PVALB: variants seen among roughly 807,000 people sequenced by gnomAD.
The protein encoded by PVALB is parvalbumin.
A neutral mutation model predicts 10.9 loss-of-function variants in PVALB; 11 were observed. The ratio of observed to expected loss-of-function variants is 1.01; its 90% confidence interval spans 0.63 to 1.67. The LOEUF is 1.67. Ranked by LOEUF, PVALB falls within the 40% of genes most tolerant of loss-of-function variation. The probability of loss-of-function intolerance (pLI) is 0.00; values close to 1 mark genes in which losing one functional copy is unlikely to be tolerated. For synonymous variants in PVALB, 57 were observed against 50.7 expected, an observed-to-expected ratio of 1.12 and a Z score of -0.53; for missense variants, 131 against 136.2, an observed-to-expected ratio of 0.96 and a Z score of 0.19.
rs1449107789 is a variant in PVALB at position 36,815,141 on chromosome 22, G to A, written c.156C>T (p.Asp52=). Residue 52 remains aspartate, a synonymous_variant, in exon 2 of 4, where the codon GAC becomes GAT. Coordinates refer to ENST00000417718, the MANE Select transcript of PVALB (RefSeq NM_001315532.2). ...DDVKKVFHML[D]KDKSGFIEED... The stretch of plus-strand genomic sequence containing the variant: ...CCTCGATGAAGCCACTTTTGTCCTT[G>A]TCCAGCATGTGAAACACCTTCTTCA... The A allele has an allele frequency of 6.2e-7, 1 of 1,614,040 alleles. No homozygotes were observed. Among genetic ancestry groups the A allele is most frequent in the African/African-American group, 1.3e-5 (1 of 74,930 alleles).
At chr22:36,814,401 G>A (rs1939101146) in intron 2 of PVALB, among the ~76,000 whole-genome samples, 2 of 152,032 alleles carry the variant, frequency 1.3e-5, no homozygotes, top group Admixed American at 6.5e-5. Flanking sequence ...GAGACAGGAT[G>A]GGTGGGGAAG....
intron 3 of PVALB, among the ~76,000 whole-genome samples, chr22:36,808,153 C>T (rs79140067): frequency 6.6e-6 from 1 of 152,208 alleles, no homozygotes; most frequent in Non-Finnish European, 1.5e-5. Context: ...GAAGAGGGCC[C>T]TGAGGCTTCA....
upstream of PVALB, chr22:36,817,074 T>C: frequency 6.9e-7 from 1 of 1,458,096 alleles, no homozygotes; most frequent in East Asian, 2.5e-5. Flanking sequence ...TCATTTCTGC[T>C]CATATGACCA....
Position 36,813,808 on chromosome 22 carries a change from G to T in PVALB, c.195-53C>A, listed in dbSNP as rs569781912. On this transcript the variant is annotated intron_variant, in intron 2 of 3. Coordinates refer to ENST00000417718, the MANE Select transcript of PVALB (RefSeq NM_001315532.2). Reference sequence around the variant, plus strand: ...GAGGGAGTCAGGCCGAGGTCGCCTTGCAGGACGCTGGATGGAGGGTGGTCT... The same window carrying T: ...GAGGGAGTCAGGCCGAGGTCGCCTTTCAGGACGCTGGATGGAGGGTGGTCT... 18 of 1,357,568 alleles carry T rather than the reference G, an allele frequency of 1.3e-5. No individual in the cohort carries two copies. The African/African-American group carries it at 2.1e-4, about 16-fold the overall frequency. The allele number at this position is 1,357,568 out of a possible 1,614,324, so 84.1% of individuals were successfully genotyped here.
In PVALB at chr22:36,813,915, G is replaced by A. The variant is rs577958531; in HGVS notation, c.195-160C>T. Among the ~76,000 whole-genome samples, 57 of 152,340 alleles carry A rather than the reference G, an allele frequency of 3.7e-4. 1 individual carries two copies. In the South Asian group the frequency reaches 0.011, roughly 30 times the overall value. On this transcript the variant is annotated intron_variant, in intron 2 of 3. Transcript: ENST00000417718. ...ACGGATGCTCTGGGCCAGGTAGCCTGCTCGGTGGCTGTGCTTTCGTGGGTG... is the reference window on the plus strand; with the variant it reads ...ACGGATGCTCTGGGCCAGGTAGCCTACTCGGTGGCTGTGCTTTCGTGGGTG...
chr22:36,802,697 G>A (rs991752365), intron 3 of PVALB, among the ~76,000 whole-genome samples: 1 of 151,858 alleles, frequency 6.6e-6, no homozygotes, highest in Non-Finnish European at 1.5e-5. Flanking sequence ...CCTTCCTGAG[G>A]TTTGACTTAG....
chr22:36,805,901 A>G (rs1190405478), intron 3 of PVALB, among the ~76,000 whole-genome samples: 1 of 152,216 alleles, frequency 6.6e-6, no homozygotes, highest in African/African-American at 2.4e-5. Flanking sequence ...AAGAGCAGCC[A>G]GCTGACCTGG....
upstream of PVALB, chr22:36,818,901 C>T (rs778978296): frequency 1.3e-5 from 2 of 152,332 alleles, no homozygotes; most frequent in Non-Finnish European, 2.9e-5. Flanking sequence ...ATCTCAGCCA[C>T]ACACTGGCTC....
chr22:36,811,558 T>C lies in PVALB; in HGVS notation c.304+2088A>G, dbSNP rs563483677. 685 of 465,284 alleles carry C rather than the reference T, an allele frequency of 1.5e-3. 9 individuals are homozygous for C. Among genetic ancestry groups the C allele is most frequent in the South Asian group, 0.01 (653 of 63,834 alleles). The allele number at this position is 465,284 out of a possible 1,614,324, so 28.8% of individuals were successfully genotyped here. A position where few individuals can be genotyped will look rare whatever the true frequency, so the allele number is the denominator to read the frequency against. On this transcript the variant is annotated intron_variant, in intron 3 of 3. Coordinates refer to ENST00000417718, the MANE Select transcript of PVALB (RefSeq NM_001315532.2). ...AGAGTTTAGTTGATGCCTTAAGATC[T>C]GAGTGTGGCAGGGAGGGAGGGAGGG...
At position 36,813,733 on chromosome 22, in the gene PVALB, G is replaced by A; in HGVS notation, c.217C>T (p.Pro73Ser). The stretch of plus-strand genomic sequence containing the variant: ...TTAGCAGACAGGTCTCTGGCATCTG[G>A]GGAGAAGCCTTTTAGGATGAATCTG... ...ELGFILKGFS[P>S]DARDLSAKET... The change falls in exon 3 of 4, where the codon CCA (proline) becomes TCA (serine). Residue 73 changes from proline to serine, a missense_variant. Transcript: ENST00000417718. The A allele has an allele frequency of 6.2e-7, 1 of 1,613,632 alleles. No homozygotes were observed. The highest frequency in any genetic ancestry group is 8.5e-7 in the Non-Finnish European group (1 of 1,179,568).
upstream of PVALB, chr22:36,817,299 G>C: frequency 3.7e-6 from 1 of 271,412 alleles, no homozygotes; most frequent in East Asian, 6.3e-5. Flanking sequence ...CGAGGGAAGG[G>C]GCCACCTCTG....
chr22:36,801,540 G>T (rs561953010), intron 3 of PVALB, among the ~76,000 whole-genome samples: 1 of 152,182 alleles, frequency 6.6e-6, no homozygotes, highest in African/African-American at 2.4e-5. Flanking sequence ...TGGCTCACGC[G>T]TGTAATCCCA....
chr22:36,804,948 A>G (rs1448576329), intron 3 of PVALB, among the ~76,000 whole-genome samples: 1 of 151,652 alleles, frequency 6.6e-6, no homozygotes, highest in Non-Finnish European at 1.5e-5. Context: ...ACAAACGAAC[A>G]AACAAACAAA....
chr22:36,811,222 G>A (rs1219786524), intron 3 of PVALB, among the ~76,000 whole-genome samples: 1 of 152,122 alleles, frequency 6.6e-6, no homozygotes. Context: ...AGGTTGCAGA[G>A]AGCTGAGATT....
In PVALB at chr22:36,815,068, C is replaced by A. The variant is rs749767117; in HGVS notation, c.194+35G>T. ...CAGCCCCCACTCCCTCTCGTGCAGC[C>A]GTGGGCTGGGCAGCCCCTGCAGGCC... On this transcript the variant is annotated intron_variant, in intron 2 of 3. Coordinates refer to ENST00000417718, the MANE Select transcript of PVALB (RefSeq NM_001315532.2). The A allele has an allele frequency of 9.9e-6, 16 of 1,612,906 alleles. No homozygotes were observed. The East Asian group carries it at 3.6e-4, about 36-fold the overall frequency.
chr22:36,811,783 T>C (rs1005195841), intron 3 of PVALB, among the ~76,000 whole-genome samples: 4 of 151,992 alleles, frequency 2.6e-5, no homozygotes, highest in African/African-American at 9.7e-5. Context: ...GATAAGCAGA[T>C]TGGTGGGGAT....
At chr22:36,815,064 C>A (rs780751014) in intron 2 of PVALB, 39 bp downstream of exon 2, 10 of 1,610,624 alleles carry the variant, frequency 6.2e-6, no homozygotes, top group Middle Eastern at 1.7e-4. Flanking sequence ...CCCTCTCGTG[C>A]AGCCGTGGGC....
Position 36,800,871 on chromosome 22 carries a change from CA to C in PVALB, c.*18del. The C allele has an allele frequency of 6.2e-7, 1 of 1,602,748 alleles. No homozygotes were observed. Among genetic ancestry groups the C allele is most frequent in the Non-Finnish European group, 8.5e-7 (1 of 1,169,686 alleles). ...TGTTCAGGGCAGAGAGGTGGAAGACCAGGGGCAGTCAGTGCTTCTTAGCTTT... is the reference window on the plus strand; with the variant it reads ...TGTTCAGGGCAGAGAGGTGGAAGACCGGGGCAGTCAGTGCTTCTTAGCTTT... On this transcript the variant is annotated 3_prime_UTR_variant, in exon 4 of 4. Coordinates refer to ENST00000417718, the MANE Select transcript of PVALB (RefSeq NM_001315532.2).
At chr22:36,815,078 G>A (rs2145954354) in intron 2 of PVALB, 25 bp downstream of exon 2, 2 of 1,613,302 alleles carry the variant, frequency 1.2e-6, no homozygotes, top group Non-Finnish European at 1.7e-6. Flanking sequence ...CGTGGGCTGG[G>A]CAGCCCCTGC....
Sources: gnomAD v4.1 joint callset for allele counts (sites outside exome capture counted in the v4.1 genomes callset) on GRCh38, gnomAD v4.1.1 for gene constraint, MANE v1.5 for transcripts, NCBI Gene and HGNC (gene_info 2026-07-23, HGNC 2026-07-21) for gene names.